The following KCND3 variants were observed in gnomAD, a reference collection of about 807,000 sequenced individuals.
The protein encoded by KCND3 is potassium voltage-gated channel subfamily D member 3.
In KCND3, 9 loss-of-function variants were observed where a neutral mutation model predicts 51.1. The ratio of observed to expected loss-of-function variants is 0.18; its 90% CI spans 0.11 to 0.31. The LOEUF is 0.31. Among genes scored for constraint, KCND3 ranks in the 10% least tolerant of loss-of-function variants. The pLI is 1.00. For synonymous variants in KCND3, 349 were observed against 368.0 expected, an observed-to-expected ratio of 0.95 and a Z score of 0.59; for missense variants, 526 against 903.8, an observed-to-expected ratio of 0.58 and a Z score of 5.36.
chr1:111,864,953 C>T (rs183098221), intron 2 of KCND3, among the ~76,000 whole-genome samples: 164 of 152,122 alleles, frequency 1.1e-3, no homozygotes, highest in African/African-American at 3.8e-3. Flanking sequence ...GAGAGAGGCA[C>T]AAGCAAGACA....
intron 2 of KCND3, among the ~76,000 whole-genome samples, chr1:111,938,172 G>C (rs1413184472): frequency 6.6e-6 from 1 of 152,154 alleles, no homozygotes; most frequent in Non-Finnish European, 1.5e-5. Flanking sequence ...ATCAAACCCA[G>C]CCTTCCATTT....
intron 2 of KCND3, among the ~76,000 whole-genome samples, chr1:111,860,536 CA>C (rs1251458939): frequency 6.6e-6 from 1 of 152,118 alleles, no homozygotes; most frequent in East Asian, 1.9e-4. Flanking sequence ...CTCAGTCCCC[CA>C]CCCCCCCAAC....
intron 1 of KCND3, among the ~76,000 whole-genome samples, chr1:111,986,097 T>G (rs1010063122): frequency 2.6e-5 from 4 of 152,244 alleles, no homozygotes; most frequent in Admixed American, 1.3e-4. Flanking sequence ...TTCCTCAGCA[T>G]GCACTTAGCT....
intron 2 of KCND3, among the ~76,000 whole-genome samples, chr1:111,792,324 T>C (rs143870529): frequency 1.1e-3 from 165 of 152,306 alleles, no homozygotes; most frequent in African/African-American, 3.8e-3. Context: ...GACAGGAACT[T>C]GTTCAAGGTC....
At chr1:111,932,947 T>C (rs1672050961) in intron 2 of KCND3, among the ~76,000 whole-genome samples, 1 of 152,202 alleles carries the variant, frequency 6.6e-6, no homozygotes, top group Non-Finnish European at 1.5e-5. Flanking sequence ...CAAACATTTA[T>C]AGAGTACTGA....
chr1:111,848,251 C>T (rs1287955674), intron 2 of KCND3, among the ~76,000 whole-genome samples: 1 of 152,236 alleles, frequency 6.6e-6, no homozygotes, highest in South Asian at 2.1e-4. Flanking sequence ...GTCTGAGACT[C>T]AGCACCTGAG....
chr1:111,808,760 A>G (rs1006937778), intron 2 of KCND3, among the ~76,000 whole-genome samples: 6 of 152,222 alleles, frequency 3.9e-5, no homozygotes, highest in African/African-American at 7.2e-5. Flanking sequence ...CAATAGGACC[A>G]ACAAAATCCC....
chr1:111,823,523 C>A (rs573439310), intron 2 of KCND3, among the ~76,000 whole-genome samples: 1 of 152,174 alleles, frequency 6.6e-6, no homozygotes, highest in African/African-American at 2.4e-5. Flanking sequence ...AGCTTTAGTT[C>A]TTTTTTTAAT....
chr1:111,772,951 A>G lies in KCND3; in HGVS notation c.*3126T>C, dbSNP rs1663978316. Reference sequence around the variant, plus strand: ...CCAATGAGTTAGACTTATGAAACCAATTCAGCATACTTTGGACCTTGTGTT... The same window carrying G: ...CCAATGAGTTAGACTTATGAAACCAGTTCAGCATACTTTGGACCTTGTGTT... On this transcript the variant is annotated 3_prime_UTR_variant, in exon 8 of 8. Coordinates refer to ENST00000302127, the MANE Select transcript of KCND3 (RefSeq NM_001378969.1). The G allele has an allele frequency of 6.6e-6, 1 of 152,236 alleles. No homozygotes were observed. The highest frequency in any genetic ancestry group is 1.5e-5 in the Non-Finnish European group (1 of 68,044). 9.4% of individuals were successfully genotyped at this position (152,236 alleles called of 1,614,324 possible). A position where few individuals can be genotyped will look rare whatever the true frequency, so the allele number is the denominator to read the frequency against.
chr1:111,931,816 C>T (rs1359744402), intron 2 of KCND3, among the ~76,000 whole-genome samples: 1 of 152,208 alleles, frequency 6.6e-6, no homozygotes, highest in African/African-American at 2.4e-5. Flanking sequence ...TCCCTTTTCC[C>T]ACTAGGACAT....
At position 111,985,447 on chromosome 1, in the gene KCND3, C is replaced by T. The variant is rs74112404; in HGVS notation, c.-72-2649G>A. 6.3e-3 allele frequency among the ~76,000 whole-genome samples: 961 copies of T among 152,316 alleles called. 10 individuals carry two copies. Among genetic ancestry groups the T allele is most frequent in the African/African-American group, 0.022 (910 of 41,576 alleles). Reference sequence around the variant, plus strand: ...AGACCACTTCCCAACTTTCCCTATCCCACACTAAGCTCTTTCGGGCAAAGG... The same window carrying T: ...AGACCACTTCCCAACTTTCCCTATCTCACACTAAGCTCTTTCGGGCAAAGG... On this transcript the variant is annotated intron_variant, in intron 1 of 7. Transcript: ENST00000302127.
chr1:111,903,741 G>T (rs769972321), intron 2 of KCND3, among the ~76,000 whole-genome samples: 2 of 152,226 alleles, frequency 1.3e-5, no homozygotes, highest in Non-Finnish European at 1.5e-5. Context: ...TTCAGTCACA[G>T]TCCCCCAGAC....
rs771342858 is a variant in KCND3 at position 111,866,579 on chromosome 1, A to AACACACACACACACACAC, written c.1107-79491_1107-79474dup. The stretch of plus-strand genomic sequence containing the variant: ...TGTGCCTGACCTGTTTGTTTCTTTA[A>AACACACACACACACACAC]ACACACACACACACACACACACACA... On this transcript the variant is annotated intron_variant, in intron 2 of 7. Coordinates refer to ENST00000302127, the MANE Select transcript of KCND3 (RefSeq NM_001378969.1). Among the ~76,000 whole-genome samples, 475 of 126,808 alleles carry AACACACACACACACACAC rather than the reference A, an allele frequency of 3.7e-3. 11 individuals carry two copies. Among genetic ancestry groups the AACACACACACACACACAC allele is most frequent in the African/African-American group, 7.1e-3 (228 of 32,276 alleles). 83.2% of individuals were successfully genotyped at this position (126,808 alleles called of 152,430 possible).
At chr1:111,893,104 AG>A (rs1669922208) in intron 2 of KCND3, among the ~76,000 whole-genome samples, 1 of 152,236 alleles carries the variant, frequency 6.6e-6, no homozygotes, top group African/African-American at 2.4e-5. Context: ...AGATGGTGAC[AG>A]AAGACCATCC....
chr1:111,946,434 T>C (rs958829297), intron 2 of KCND3, among the ~76,000 whole-genome samples: 1 of 152,288 alleles, frequency 6.6e-6, no homozygotes, highest in South Asian at 2.1e-4. Flanking sequence ...CATGTGGCAG[T>C]TGTTGAGTAG....
At chr1:111,933,241 A>G (rs1446111327) in intron 2 of KCND3, among the ~76,000 whole-genome samples, 1 of 152,194 alleles carries the variant, frequency 6.6e-6, no homozygotes, top group Non-Finnish European at 1.5e-5. Flanking sequence ...CTGTGAGTCA[A>G]TTAAGCCTCT....
At chr1:111,855,995 C>A (rs536355067) in intron 2 of KCND3, among the ~76,000 whole-genome samples, 2 of 152,166 alleles carry the variant, frequency 1.3e-5, no homozygotes, top group Non-Finnish European at 2.9e-5. Flanking sequence ...CAAGGGAGTA[C>A]CCCAACCTCA....
At chr1:111,831,420 C>G (rs1409176303) in intron 2 of KCND3, among the ~76,000 whole-genome samples, 2 of 152,166 alleles carry the variant, frequency 1.3e-5, no homozygotes, top group Admixed American at 1.3e-4. Flanking sequence ...CCCCCAACCT[C>G]TTCCTCCTGC....
At chr1:111,974,556 C>T (rs1288706998) in intron 2 of KCND3, among the ~76,000 whole-genome samples, 11 of 152,116 alleles carry the variant, frequency 7.2e-5, no homozygotes, top group Non-Finnish European at 5.9e-5. Flanking sequence ...GAAAGAGCTC[C>T]CAGCTACAAT....
Sources: gnomAD v4.1 joint callset for allele counts (sites outside exome capture counted in the v4.1 genomes callset) on GRCh38, gnomAD v4.1.1 for gene constraint, MANE v1.5 for transcripts, NCBI Gene and HGNC (gene_info 2026-07-23, HGNC 2026-07-21) for gene names.